PEPD: variants seen among roughly 807,000 people sequenced by gnomAD.
PEPD encodes the protein xaa-Pro dipeptidase.
In PEPD, 53 loss-of-function variants were observed where a neutral mutation model predicts 60.7. The ratio of observed to expected loss-of-function variants is 0.87; its 90% CI spans 0.70 to 1.10. The LOEUF (loss-of-function observed/expected upper bound fraction) is 1.10, where lower values mean the gene tolerates loss of function less well. Ranked by LOEUF, PEPD falls within the 50% of genes least tolerant of loss-of-function variation. PEPD has a pLI of 0.00. For missense variants in PEPD, 711 were observed against 711.9 expected (o/e 1.00, Z 0.01); for synonymous variants, 267 against 284.1 (o/e 0.94, Z 0.60).
At chr19:33,452,264 T>C (rs2145252783) in intron 9 of PEPD, among the ~76,000 whole-genome samples, 1 of 152,158 alleles carries the variant, frequency 6.6e-6, no homozygotes, top group Admixed American at 6.5e-5. Context: ...AGTTCTTAGG[T>C]TCAAAAACAA....
At chr19:33,435,727 A>G (rs1008591667) in intron 9 of PEPD, among the ~76,000 whole-genome samples, 3 of 152,248 alleles carry the variant, frequency 2.0e-5, no homozygotes, top group Admixed American at 6.5e-5. Flanking sequence ...TTAGTTCTCA[A>G]TCACGACAGG....
At chr19:33,477,722 G>A (rs1027980551) in intron 7 of PEPD, among the ~76,000 whole-genome samples, 7 of 152,236 alleles carry the variant, frequency 4.6e-5, no homozygotes, top group East Asian at 1.9e-4. Context: ...GGGATTATGT[G>A]TTATGTTTAT....
At chr19:33,515,683 G>C (rs1455044794) in intron 1 of PEPD, among the ~76,000 whole-genome samples, 1 of 151,462 alleles carries the variant, frequency 6.6e-6, no homozygotes, top group African/African-American at 2.4e-5. Flanking sequence ...GCTATGGACA[G>C]CCTCAGCCAC....
chr19:33,389,916 G>A (rs1164166100), intron 13 of PEPD, among the ~76,000 whole-genome samples: 1 of 152,262 alleles, frequency 6.6e-6, no homozygotes. Flanking sequence ...GAAGGGCTGG[G>A]CCGGGTGGAG....
chr19:33,402,657 G>C (rs771467965), intron 11 of PEPD, among the ~76,000 whole-genome samples: 5 of 152,162 alleles, frequency 3.3e-5, no homozygotes, highest in Non-Finnish European at 7.4e-5. Flanking sequence ...ACATGTCCCC[G>C]AAGCCAGGTG....
intron 7 of PEPD, among the ~76,000 whole-genome samples, chr19:33,468,971 C>T (rs11673045): frequency 0.075 from 11,403 of 152,224 alleles, 524 homozygotes; most frequent in Non-Finnish European, 0.11. Flanking sequence ...CTCAGGCTCC[C>T]GAGGTCCGAA....
At chr19:33,401,186 G>C (rs1465588017) in intron 12 of PEPD, among the ~76,000 whole-genome samples, 1 of 152,240 alleles carries the variant, frequency 6.6e-6, no homozygotes, top group Non-Finnish European at 1.5e-5. Flanking sequence ...TGGTGACTGT[G>C]ACCCCTGCAG....
At chr19:33,408,097 G>C (rs1471069695) in intron 11 of PEPD, among the ~76,000 whole-genome samples, 2 of 152,252 alleles carry the variant, frequency 1.3e-5, no homozygotes, top group African/African-American at 2.4e-5. Context: ...GAAGCTGCTG[G>C]AAGGGTAAGG....
At chr19:33,453,914 A>G (rs1200864243) in intron 9 of PEPD, among the ~76,000 whole-genome samples, 1 of 152,220 alleles carries the variant, frequency 6.6e-6, no homozygotes, top group Non-Finnish European at 1.5e-5. Context: ...CTGCCTCCTA[A>G]GTCGGCTTCT....
chr19:33,512,810 C>T (rs762957634), intron 1 of PEPD, 34 bp from the exon 2 acceptor site: 15 of 1,611,324 alleles, frequency 9.3e-6, no homozygotes, highest in African/African-American at 8.0e-5. Flanking sequence ...GCCACACAGG[C>T]CTCTGTTAGC....
At chr19:33,472,148 C>T (rs1473128402) in intron 7 of PEPD, among the ~76,000 whole-genome samples, 1 of 128,708 alleles carries the variant, frequency 7.8e-6, no homozygotes, top group Admixed American at 8.1e-5. Flanking sequence ...GCAACAAGAA[C>T]AAAACTCCAT....
intron 7 of PEPD, among the ~76,000 whole-genome samples, chr19:33,475,463 C>G (rs1437908343): frequency 6.6e-6 from 1 of 151,824 alleles, no homozygotes; most frequent in Non-Finnish European, 1.5e-5. Flanking sequence ...TACCCCTGAG[C>G]AGCAGGGACA....
chr19:33,434,511 G>T (rs1226887860), intron 9 of PEPD, among the ~76,000 whole-genome samples: 17 of 152,058 alleles, frequency 1.1e-4, no homozygotes, highest in Non-Finnish European at 2.9e-5. Context: ...AGGCCCAGGG[G>T]CTACTGGGCA....
At chr19:33,517,916 G>A (rs1212558548) in intron 1 of PEPD, among the ~76,000 whole-genome samples, 4 of 150,192 alleles carry the variant, frequency 2.7e-5, no homozygotes, top group Non-Finnish European at 4.4e-5. Context: ...GCAGTGAGCC[G>A]AGATCGCGCC....
intron 11 of PEPD, among the ~76,000 whole-genome samples, chr19:33,409,473 C>G (rs2145360764): frequency 6.6e-6 from 1 of 152,308 alleles, no homozygotes; most frequent in Middle Eastern, 3.4e-3. Context: ...AATTCCAGAC[C>G]AGCCTGGGCA....
chr19:33,494,931 G>A (rs768801592), intron 4 of PEPD, among the ~76,000 whole-genome samples: 14 of 152,100 alleles, frequency 9.2e-5, no homozygotes, highest in Non-Finnish European at 2.1e-4. Context: ...TCAGGAGATC[G>A]AGACCATCCT....
intron 6 of PEPD, among the ~76,000 whole-genome samples, chr19:33,489,427 G>A (rs186227269): frequency 5.9e-5 from 9 of 152,222 alleles, no homozygotes; most frequent in Non-Finnish European, 1.2e-4. Context: ...TCACGAGTTC[G>A]AGACAAGCCT....
At chr19:33,448,545 A>G (rs1969636145) in intron 9 of PEPD, among the ~76,000 whole-genome samples, 2 of 152,082 alleles carry the variant, frequency 1.3e-5, no homozygotes, top group South Asian at 4.2e-4. Context: ...TTTTCCCCAG[A>G]GCTCTCCTAT....
intron 7 of PEPD, among the ~76,000 whole-genome samples, chr19:33,474,762 C>T (rs886998056): frequency 2.6e-5 from 4 of 152,056 alleles, no homozygotes; most frequent in Non-Finnish European, 5.9e-5. Context: ...AGGAGGATCT[C>T]TTAAGGCCAG....
Sources: allele counts gnomAD v4.1 joint callset (sites outside exome capture counted in the v4.1 genomes callset), GRCh38; gene constraint gnomAD v4.1.1; transcripts MANE v1.5; gene names NCBI Gene and HGNC (gene_info 2026-07-23, HGNC 2026-07-21).